Variants in CEP350 observed in about 807,000 individuals in gnomAD.
The protein encoded by CEP350 is centrosome-associated protein 350.
A neutral mutation model predicts 331.8 loss-of-function variants in CEP350; 126 were observed. The ratio of observed to expected loss-of-function variants is 0.38; its 90% CI spans 0.33 to 0.44. The LOEUF (loss-of-function observed/expected upper bound fraction) is 0.44, where lower values mean the gene tolerates loss of function less well. Among genes scored for constraint, CEP350 ranks in the 20% least tolerant of loss-of-function variants. The probability of loss-of-function intolerance (pLI) is 1.00; values close to 1 mark genes in which losing one functional copy is unlikely to be tolerated. For synonymous variants in CEP350, 1,200 were observed against 1,259.5 expected (o/e 0.95, Z 1.00); for missense variants, 3,406 against 3,634.6 (o/e 0.94, Z 1.62).
At chr1:179,969,796 T>TA (rs977049562) in intron 1 of CEP350, among the ~76,000 whole-genome samples, 55 of 151,810 alleles carry the variant, frequency 3.6e-4, no homozygotes, top group African/African-American at 1.2e-3. Context: ...TTCTAAAAAA[T>TA]AAAAAAAATA....
Position 180,069,559 on chromosome 1 carries a change from A to T in CEP350, c.5567+4287A>T, listed in dbSNP as rs976759204. ...CCTGATAGTCTGATACTTTGTTTTT[A>T]TTCTCTGCAGGAATTCCTAGGTCAG... On this transcript the variant is annotated intron_variant, in intron 27 of 37. Coordinates refer to ENST00000367607, the MANE Select transcript of CEP350 (RefSeq NM_014810.5). Among the ~76,000 whole-genome samples the T allele has an allele frequency of 2.6e-5, 4 of 152,242 alleles. No individual in the cohort carries two copies. The Middle Eastern group carries it at 0.01, about 388-fold the overall frequency.
At chr1:180,015,742 A>AT (rs1451045211) in intron 10 of CEP350, 107 bp from the exon 11 acceptor site, 129 of 1,312,792 alleles carry the variant, frequency 9.8e-5, no homozygotes, top group Non-Finnish European at 1.3e-4. Context: ...AAACCACTAC[A>AT]TTTTATGATC....
At chr1:180,011,622 A>G (rs961001735) in intron 8 of CEP350, among the ~76,000 whole-genome samples, 1 of 152,068 alleles carries the variant, frequency 6.6e-6, no homozygotes, top group Non-Finnish European at 1.5e-5. Flanking sequence ...TTGTATTTTT[A>G]GTACAGACAG....
At chr1:179,973,675 G>A (rs2148608908) in intron 1 of CEP350, among the ~76,000 whole-genome samples, 1 of 152,118 alleles carries the variant, frequency 6.6e-6, no homozygotes, top group Admixed American at 6.5e-5. Flanking sequence ...GTGACTACTT[G>A]TAGCGCTTTT....
intron 1 of CEP350, among the ~76,000 whole-genome samples, chr1:179,981,322 T>C (rs1652258217): frequency 6.6e-6 from 1 of 152,204 alleles, no homozygotes; most frequent in African/African-American, 2.4e-5. Context: ...ATTGTCATGA[T>C]ATCTCTAAAA....
rs1414912456 is a variant in CEP350, at chr1:180,044,671, C to T, written c.4622+498C>T. Among the ~76,000 whole-genome samples, 241 of 93,622 alleles carry T rather than the reference C, an allele frequency of 2.6e-3. 2 individuals carry two copies. The highest frequency in any genetic ancestry group is 4.4e-3 in the Admixed American group (26 of 5,970). 61.4% of individuals were successfully genotyped at this position (93,622 alleles called of 152,430 possible). On this transcript the variant is annotated intron_variant, in intron 21 of 37. Coordinates refer to ENST00000367607, the MANE Select transcript of CEP350 (RefSeq NM_014810.5). The stretch of plus-strand genomic sequence containing the variant: ...GAAGGGAAACATCACACTCCGGGGA[C>T]TGTTGTGGGGTGGGGGGAGGGGGGA...
At chr1:180,083,852 A>G (rs1327783141) in intron 30 of CEP350, among the ~76,000 whole-genome samples, 166 bp from the exon 31 acceptor site, 4 of 152,202 alleles carry the variant, frequency 2.6e-5, no homozygotes, top group African/African-American at 7.2e-5. Flanking sequence ...GGTGGGAATT[A>G]TAGGGATACA....
chr1:180,028,391 G>C (rs545944071), intron 14 of CEP350, among the ~76,000 whole-genome samples: 2 of 152,274 alleles, frequency 1.3e-5, no homozygotes, highest in East Asian at 3.9e-4. Context: ...CTAAGTTAGT[G>C]TCTCACCTAA....
At chr1:180,091,556 C>T (rs532612314) in intron 33 of CEP350, among the ~76,000 whole-genome samples, 35 of 152,148 alleles carry the variant, frequency 2.3e-4, no homozygotes, top group African/African-American at 6.5e-4. Flanking sequence ...GTAGGCTAGG[C>T]GCAGCAGCTC....
At chr1:179,995,691 G>C (rs1412953066) in intron 5 of CEP350, among the ~76,000 whole-genome samples, 2 of 152,166 alleles carry the variant, frequency 1.3e-5, no homozygotes, top group African/African-American at 2.4e-5. Context: ...ATTTTTGCTA[G>C]TGTTTCTATG....
intron 2 of CEP350, 91 bp downstream of exon 2, chr1:179,986,345 C>A: frequency 1.3e-6 from 1 of 757,056 alleles, no homozygotes; most frequent in Non-Finnish European, 2.1e-6. Context: ...TATACCTATG[C>A]TTTGATTTAT....
chr1:179,975,972 G>A (rs1350317840), intron 1 of CEP350, among the ~76,000 whole-genome samples: 1 of 152,142 alleles, frequency 6.6e-6, no homozygotes, highest in Non-Finnish European at 1.5e-5. Context: ...CCCATCAGGA[G>A]TTAAGAGAGG....
intron 37 of CEP350, 41 bp downstream of exon 37, chr1:180,099,026 C>G (rs1270471994): frequency 6.3e-7 from 1 of 1,576,262 alleles, no homozygotes; most frequent in African/African-American, 1.4e-5. Context: ...TTGACCATAT[C>G]TTTTAAACTC....
chr1:179,967,111 C>G (rs1314886797), intron 1 of CEP350, among the ~76,000 whole-genome samples: 2 of 152,180 alleles, frequency 1.3e-5, no homozygotes, highest in Admixed American at 6.5e-5. Context: ...TACAATAGAT[C>G]ATCTCTGAAA....
chr1:180,034,166 A>T (rs1656201381), intron 16 of CEP350, 84 bp downstream of exon 16: 1 of 1,385,358 alleles, frequency 7.2e-7, no homozygotes, highest in Non-Finnish European at 9.7e-7. Flanking sequence ...GTTTGAGTTG[A>T]GTCATAGAGA....
At position 179,996,934 on chromosome 1, in the gene CEP350, A is replaced by G; in HGVS notation, c.777A>G (p.Pro259=). The G allele has an allele frequency of 6.2e-7, 1 of 1,614,050 alleles. No homozygotes were observed. The highest frequency in any genetic ancestry group is 8.5e-7 in the Non-Finnish European group (1 of 1,179,896). ...PKALRLTDSS[P]SSTSTSNSQR... ...CGTTACGACTAACTGACTCTTCTCCATCCTCTACTAGTACTTCTAATTCCC... is the reference window on the plus strand; with the variant it reads ...CGTTACGACTAACTGACTCTTCTCCGTCCTCTACTAGTACTTCTAATTCCC... The change falls in exon 6 of 38, where the codon CCA becomes CCG. Residue 259 remains proline, a synonymous_variant. Transcript: ENST00000367607.
chr1:180,040,853 G>GTA (rs1656716141), intron 17 of CEP350, among the ~76,000 whole-genome samples: 1 of 152,008 alleles, frequency 6.6e-6, no homozygotes, highest in African/African-American at 2.4e-5. Context: ...AAAAAGTTGG[G>GTA]TGCTATAGCC....
chr1:179,963,538 G>GT (rs1650783771), intron 1 of CEP350, among the ~76,000 whole-genome samples: 2 of 151,754 alleles, frequency 1.3e-5, no homozygotes, highest in African/African-American at 2.4e-5. Context: ...ATGCTAGCCA[G>GT]TTTTTTTGTG....
intron 12 of CEP350, among the ~76,000 whole-genome samples, chr1:180,021,429 G>A (rs1205933397): frequency 1.3e-5 from 2 of 152,076 alleles, no homozygotes; most frequent in African/African-American, 4.8e-5. Context: ...CAAGGCGGGC[G>A]GATCACTTGA....
Sources: allele counts gnomAD v4.1 joint callset (sites outside exome capture counted in the v4.1 genomes callset), GRCh38; gene constraint gnomAD v4.1.1; transcripts MANE v1.5; gene names NCBI Gene and HGNC (gene_info 2026-07-23, HGNC 2026-07-21).